Variants in TSN observed in about 807,000 individuals in gnomAD.
TSN encodes the protein component 3 of promoter of RISC.
Under a neutral mutation model 29.4 loss-of-function variants are expected in TSN, and 5 were observed. The observed-to-expected ratio is 0.17, with a 90% CI of 0.09 to 0.36. The LOEUF is 0.36. TSN is among the 10% of genes least tolerant of loss of function. The pLI, the probability that TSN is intolerant of heterozygous loss-of-function variation, is 1.00. For missense variants in TSN, 159 were observed against 272.8 expected (o/e 0.58, Z 2.94); for synonymous variants, 106 against 102.2 (o/e 1.04, Z -0.23).
chr2:121,755,934 C>G, intron 1 of TSN, 89 bp downstream of exon 1: 1 of 1,589,486 alleles, frequency 6.3e-7, no homozygotes, highest in South Asian at 1.1e-5. Context: ...CAGTCTCGGG[C>G]GGTGGGGACG....
intron 1 of TSN, chr2:121,756,779 C>A: frequency 4.9e-6 from 2 of 408,110 alleles, no homozygotes; most frequent in Non-Finnish European, 4.4e-6. Flanking sequence ...CATGGTTGCG[C>A]ACACCTGTAA....
Position 121,767,102 on chromosome 2 carries a change from T to G in TSN, c.*1735T>G, listed in dbSNP as rs766963947. On this transcript the variant is annotated 3_prime_UTR_variant, in exon 6 of 6. Coordinates refer to ENST00000389682, the MANE Select transcript of TSN (RefSeq NM_004622.3). ...TCTTTTAACCTCTTTAAGTATTGATTCTGCTTGAGAATATTGAAGTACTTG... is the reference window on the plus strand; with the variant it reads ...TCTTTTAACCTCTTTAAGTATTGATGCTGCTTGAGAATATTGAAGTACTTG... The G allele has an allele frequency of 6.6e-6, 1 of 152,212 alleles. No individual in the cohort carries two copies. Among genetic ancestry groups the G allele is most frequent in the Non-Finnish European group, 1.5e-5 (1 of 68,046 alleles). 9.4% of individuals were successfully genotyped at this position (152,212 alleles called of 1,614,324 possible). A position where few individuals can be genotyped will look rare whatever the true frequency, so the allele number is the denominator to read the frequency against.
intron 2 of TSN, among the ~76,000 whole-genome samples, chr2:121,758,068 T>G (rs1455289124): frequency 6.6e-6 from 1 of 152,148 alleles, no homozygotes; most frequent in African/African-American, 2.4e-5. Flanking sequence ...TGTGTGTATT[T>G]GAATCCAGCC....
At chr2:121,755,903 G>A (rs988413947) in intron 1 of TSN, 58 bp downstream of exon 1, 1 of 1,609,598 alleles carries the variant, frequency 6.2e-7, no homozygotes, top group African/African-American at 1.3e-5. Flanking sequence ...GGGCCACTTC[G>A]CCCGGCCCTC....
At chr2:121,762,124 C>T (rs2074839677) in intron 4 of TSN, among the ~76,000 whole-genome samples, 1 of 152,064 alleles carries the variant, frequency 6.6e-6, no homozygotes, top group South Asian at 2.1e-4. Flanking sequence ...TCCTGAGTAG[C>T]TGGAATTACA....
Position 121,767,345 on chromosome 2 carries a change from T to C in TSN, c.*1978T>C, listed in dbSNP as rs74322730. 6.6e-6 allele frequency: 1 copy of C among 152,154 alleles called. No individual in the cohort carries two copies. The allele number at this position is 152,154 out of a possible 1,614,324, so 9.4% of individuals were successfully genotyped here. A position where few individuals can be genotyped will look rare whatever the true frequency, so the allele number is the denominator to read the frequency against. ...CCATGTGCATAACAAATTCTGAATATTTTTTGAGGCTAAAGAAGACCGGGG... is the reference window on the plus strand; with the variant it reads ...CCATGTGCATAACAAATTCTGAATACTTTTTGAGGCTAAAGAAGACCGGGG... On this transcript the variant is annotated 3_prime_UTR_variant, in exon 6 of 6. Coordinates refer to ENST00000389682, the MANE Select transcript of TSN (RefSeq NM_004622.3).
At chr2:121,762,916 C>T in intron 4 of TSN, 89 bp from the exon 5 acceptor site, 1 of 1,222,794 alleles carries the variant, frequency 8.2e-7, no homozygotes, top group Non-Finnish European at 1.1e-6. Context: ...CCTTTCTTCA[C>T]TTACTTTGGG....
At chr2:121,762,426 C>T (rs2074845873) in intron 4 of TSN, among the ~76,000 whole-genome samples, 1 of 152,226 alleles carries the variant, frequency 6.6e-6, no homozygotes, top group Non-Finnish European at 1.5e-5. Context: ...CCACGCCTGG[C>T]CTTTTCCCAA....
chr2:121,760,836 T>G (rs533630055), intron 3 of TSN, among the ~76,000 whole-genome samples: 43 of 152,154 alleles, frequency 2.8e-4, no homozygotes, highest in African/African-American at 9.9e-4. Context: ...ACAATTGCTC[T>G]TGTCATCTGT....
Position 121,762,999 on chromosome 2 carries a change from T to C in TSN, c.374-6T>C. On this transcript the variant is annotated splice_polypyrimidine_tract_variant and splice_region_variant and intron_variant, in intron 4 of 5. Transcript: ENST00000389682. Reference sequence around the variant, plus strand: ...CAGCATGACTTTATTTTCATGTGTTTTTTAGTTGAGCCAGATCGGGAGAAA... The same window carrying C: ...CAGCATGACTTTATTTTCATGTGTTCTTTAGTTGAGCCAGATCGGGAGAAA... The C allele has an allele frequency of 6.2e-7, 1 of 1,603,100 alleles. No homozygotes were observed. The highest frequency in any genetic ancestry group is 8.5e-7 in the Non-Finnish European group (1 of 1,177,032).
chr2:121,767,103 C>T lies in TSN; in HGVS notation c.*1736C>T, dbSNP rs1023528984. 3 of 152,136 alleles carry T rather than the reference C, an allele frequency of 2.0e-5. No individual in the cohort carries two copies. The highest frequency in any genetic ancestry group is 7.2e-5 in the African/African-American group (3 of 41,424). 9.4% of individuals were successfully genotyped at this position (152,136 alleles called of 1,614,324 possible). ...CTTTTAACCTCTTTAAGTATTGATT[C>T]TGCTTGAGAATATTGAAGTACTTGC... On this transcript the variant is annotated 3_prime_UTR_variant, in exon 6 of 6. Coordinates refer to ENST00000389682, the MANE Select transcript of TSN (RefSeq NM_004622.3).
chr2:121,764,595 G>T (rs77307730), intron 5 of TSN, among the ~76,000 whole-genome samples: 4,635 of 151,978 alleles, frequency 0.03, 130 homozygotes, highest in African/African-American at 0.067. Flanking sequence ...GTAGGGGGTT[G>T]TATACTGACA....
intron 3 of TSN, among the ~76,000 whole-genome samples, chr2:121,759,284 C>T (rs1558690886): frequency 6.6e-6 from 1 of 151,894 alleles, no homozygotes; most frequent in Non-Finnish European, 1.5e-5. Flanking sequence ...TTTTATGTAC[C>T]AGTAGGGAAG....
chr2:121,761,828 T>C (rs1001243966), intron 4 of TSN, among the ~76,000 whole-genome samples: 1 of 96,980 alleles, frequency 1.0e-5, no homozygotes, highest in Non-Finnish European at 1.8e-5. Flanking sequence ...ATGTAAATAT[T>C]TTTTTTTTTT....
At chr2:121,763,181 C>A in intron 5 of TSN, 97 bp downstream of exon 5, 2 of 901,096 alleles carry the variant, frequency 2.2e-6, no homozygotes, top group Non-Finnish European at 3.1e-6. Flanking sequence ...CCCGCTCTGT[C>A]GCCTAGGCTG....
At chr2:121,765,081 G>A (rs1289853176) in intron 5 of TSN, 53 bp from the exon 6 acceptor site, 19 of 1,548,590 alleles carry the variant, frequency 1.2e-5, no homozygotes, top group African/African-American at 1.1e-4. Context: ...AGGAAGATGC[G>A]CTGAGAAGGA....
chr2:121,757,189 T>C, intron 1 of TSN, 51 bp from the exon 2 acceptor site: 1 of 1,531,080 alleles, frequency 6.5e-7, no homozygotes. Flanking sequence ...TGTGTGAGTG[T>C]ATGACAATGA....
intron 5 of TSN, 53 bp downstream of exon 5, chr2:121,763,137 GTTTTTT>G (rs1009875344): frequency 1.6e-4 from 79 of 508,176 alleles, no homozygotes; most frequent in East Asian, 3.1e-4. Flanking sequence ...TTCACTGTCA[GTTTTTT>G]TTTTTTTTTT....
rs1202051045 is a variant in TSN at position 121,767,065 on chromosome 2, A to G, written c.*1698A>G. The G allele has an allele frequency of 6.6e-6, 1 of 152,238 alleles. No homozygotes were observed. Among genetic ancestry groups the G allele is most frequent in the African/African-American group, 2.4e-5 (1 of 41,470 alleles). 9.4% of individuals were successfully genotyped at this position (152,238 alleles called of 1,614,324 possible). A position where few individuals can be genotyped will look rare whatever the true frequency, so the allele number is the denominator to read the frequency against. ...GATCATCCCACAGACAATACGTTTG[A>G]TAATAGTTTTTTCTTTTAACCTCTT... On this transcript the variant is annotated 3_prime_UTR_variant, in exon 6 of 6. Coordinates refer to ENST00000389682, the MANE Select transcript of TSN (RefSeq NM_004622.3).
Sources: allele counts gnomAD v4.1 joint callset (sites outside exome capture counted in the v4.1 genomes callset), GRCh38; gene constraint gnomAD v4.1.1; transcripts MANE v1.5; gene names NCBI Gene and HGNC (gene_info 2026-07-23, HGNC 2026-07-21).